TOP2B: variants seen among roughly 807,000 people sequenced by gnomAD.
TOP2B encodes DNA topoisomerase 2-beta.
TOP2B carries 51 observed loss-of-function variants against 193.5 expected under a neutral mutation model. The observed-to-expected ratio is 0.26, with a 90% CI of 0.21 to 0.33. TOP2B has a LOEUF of 0.33. Among genes scored for constraint, TOP2B ranks in the 10% least tolerant of loss-of-function variants. The pLI, the probability that TOP2B is intolerant of heterozygous loss-of-function variation, is 1.00. For synonymous variants in TOP2B, 634 were observed against 635.7 expected (o/e 1.00, Z 0.04); for missense variants, 1,378 against 1,909.3 (o/e 0.72, Z 5.19).
At position 25,607,226 on chromosome 3, in the gene TOP2B, C is replaced by G; in HGVS notation, c.4243G>C (p.Gly1415Arg). 1 of 1,610,636 alleles carries G rather than the reference C, an allele frequency of 6.2e-7. No individual in the cohort carries two copies. The highest frequency in any genetic ancestry group is 8.5e-7 in the Non-Finnish European group (1 of 1,178,068). The change falls in exon 31 of 36, where the codon GGG becomes CGG. Residue 1415 changes from glycine (G) to arginine (R), a missense_variant. By Grantham distance (125) the Gly-to-Arg change is moderately radical (BLOSUM62 -2). Coordinates refer to ENST00000264331, the MANE Select transcript of TOP2B (RefSeq NM_001330700.2). ...DGEDEFVPSD[G>R]LDKDEYTFSP... ...AATGTATATTCATCTTTATCTAACC[C>G]ATCTGAAGGAACAAATTCATCTTCC...
intron 28 of TOP2B, among the ~76,000 whole-genome samples, chr3:25,610,292 C>T (rs1214517574): frequency 6.6e-6 from 1 of 151,670 alleles, no homozygotes; most frequent in Non-Finnish European, 1.5e-5. Context: ...GGTAAAAAAA[C>T]AAAAACAAAA....
In TOP2B at chr3:25,629,014, AT is replaced by A. The variant is rs961760545; in HGVS notation, c.1800+20del. The A allele has an allele frequency of 2.5e-6, 4 of 1,571,278 alleles. No individual in the cohort carries two copies. The highest frequency in any genetic ancestry group is 1.4e-5 in the African/African-American group (1 of 72,920). The stretch of plus-strand genomic sequence containing the variant: ...TACCCTTTAAGACAACAATATAAAA[AT>A]ATATTAATGCAAAGAGTACCTTTAC... On this transcript the variant is annotated intron_variant, in intron 14 of 35. Coordinates refer to ENST00000264331, the MANE Select transcript of TOP2B (RefSeq NM_001330700.2).
Position 25,620,150 on chromosome 3 carries a change from C to G in TOP2B, c.2863-88G>C, listed in dbSNP as rs1393066684. ...GTCATACAGTCTTGAAAATTCTCAA[C>G]TCTCATGGGGAATTAAAAAGGAAAC... On this transcript the variant is annotated intron_variant, in intron 22 of 35. Transcript: ENST00000264331. 46 of 866,136 alleles carry G rather than the reference C, an allele frequency of 5.3e-5. 1 individual carries two copies. Among genetic ancestry groups the G allele is most frequent in the Non-Finnish European group, 7.9e-5 (45 of 570,208 alleles). 53.7% of individuals were successfully genotyped at this position (866,136 alleles called of 1,614,324 possible).
At chr3:25,607,027 A>T (rs1702252186) in intron 31 of TOP2B, 144 bp downstream of exon 31, 1 of 1,218,522 alleles carries the variant, frequency 8.2e-7, no homozygotes, top group Admixed American at 3.0e-5. Context: ...TGATGGGAAC[A>T]GCTGCAATAT....
rs887095195 is a variant in TOP2B, at chr3:25,607,058, T to C, written c.4298+113A>G. 26 of 1,402,840 alleles carry C rather than the reference T, an allele frequency of 1.9e-5. 1 individual carries two copies. In the South Asian group the frequency reaches 3.8e-4, roughly 20 times the overall value. 86.9% of individuals were successfully genotyped at this position (1,402,840 alleles called of 1,614,324 possible). Reference sequence around the variant, plus strand: ...AATATTAACAAGATTGATTCCTTCATGAAGAAGAACTTGCCTAGAATGATA... The same window carrying C: ...AATATTAACAAGATTGATTCCTTCACGAAGAAGAACTTGCCTAGAATGATA... On this transcript the variant is annotated intron_variant, in intron 31 of 35. Coordinates refer to ENST00000264331, the MANE Select transcript of TOP2B (RefSeq NM_001330700.2).
chr3:25,619,580 A>C (rs1189737799), intron 23 of TOP2B, among the ~76,000 whole-genome samples: 1 of 152,110 alleles, frequency 6.6e-6, no homozygotes, highest in Non-Finnish European at 1.5e-5. Context: ...AGGCCCTGCA[A>C]TAACCACTCT....
intron 21 of TOP2B, among the ~76,000 whole-genome samples, chr3:25,621,956 T>C (rs1702668547): frequency 6.6e-6 from 1 of 150,590 alleles, no homozygotes; most frequent in African/African-American, 2.4e-5. Flanking sequence ...ACCACTGTAC[T>C]CCAGCCTGGG....
intron 25 of TOP2B, among the ~76,000 whole-genome samples, chr3:25,617,029 G>T (rs1177660678): frequency 2.0e-5 from 3 of 151,872 alleles, no homozygotes; most frequent in Admixed American, 2.0e-4. Flanking sequence ...AGTTCCTTTT[G>T]TTACCTGAAC....
At chr3:25,664,181 G>GCGGGCCCGGAACAATGCAGCCGC in intron 1 of TOP2B, 48 bp downstream of exon 1, 1 of 1,461,502 alleles carries the variant, frequency 6.8e-7, no homozygotes, top group Non-Finnish European at 9.1e-7. Context: ...CGCCCCCGCC[G>GCGGGCCCGGAACAATGCAGCCGC]CGGGCCCGGA....
At chr3:25,657,208 T>C (rs1644105034) in intron 1 of TOP2B, among the ~76,000 whole-genome samples, 1 of 152,186 alleles carries the variant, frequency 6.6e-6, no homozygotes, top group Non-Finnish European at 1.5e-5. Flanking sequence ...TTTCAACTCC[T>C]GTTTGTCAGC....
rs1024988049 is a variant in TOP2B, at chr3:25,604,645, T to A, written c.4489+115A>T. 5 of 849,254 alleles carry A rather than the reference T, an allele frequency of 5.9e-6. No individual in the cohort carries two copies. The African/African-American group carries it at 8.7e-5, about 15-fold the overall frequency. The allele number at this position is 849,254 out of a possible 1,614,324, so 52.6% of individuals were successfully genotyped here. On this transcript the variant is annotated intron_variant, in intron 33 of 35. Coordinates refer to ENST00000264331, the MANE Select transcript of TOP2B (RefSeq NM_001330700.2). ...GAGAGGTTCTCCTTATAAGCACTTA[T>A]ACTTCTTAATTGTTTTATGATAAAA... is the stretch of plus-strand genomic sequence containing the variant.
chr3:25,643,639 G>C, intron 3 of TOP2B, 55 bp downstream of exon 3: 1 of 1,316,484 alleles, frequency 7.6e-7, no homozygotes, highest in South Asian at 1.2e-5. Context: ...ATATATAAAA[G>C]GACACTATGA....
At chr3:25,657,276 G>A (rs930460575) in intron 1 of TOP2B, among the ~76,000 whole-genome samples, 2 of 152,128 alleles carry the variant, frequency 1.3e-5, no homozygotes, top group African/African-American at 4.8e-5. Context: ...TGGGGTAAGG[G>A]GAGAGAGGGC....
At chr3:25,640,752 C>CTTTTTTTT (rs372465937) in intron 4 of TOP2B, among the ~76,000 whole-genome samples, 6 of 106,986 alleles carry the variant, frequency 5.6e-5, no homozygotes, top group Admixed American at 1.1e-4. Flanking sequence ...TCTTCGTTGT[C>CTTTTTTTT]TTTTTTTTTT....
At chr3:25,660,669 G>C (rs1045185653) in intron 1 of TOP2B, among the ~76,000 whole-genome samples, 1 of 152,170 alleles carries the variant, frequency 6.6e-6, no homozygotes, top group Non-Finnish European at 1.5e-5. Flanking sequence ...TCATTGGAAA[G>C]GGCACATAGT....
intron 5 of TOP2B, among the ~76,000 whole-genome samples, chr3:25,637,601 T>C (rs1703139677): frequency 6.6e-6 from 1 of 152,048 alleles, no homozygotes; most frequent in Non-Finnish European, 1.5e-5. Flanking sequence ...AGCAAATCTC[T>C]GTGAGTATGA....
At position 25,627,256 on chromosome 3, in the gene TOP2B, A is replaced by G. The variant is rs1424413468; in HGVS notation, c.1947T>C (p.Phe649=). 6.2e-7 allele frequency: 1 copy of G among 1,609,706 alleles called. No individual in the cohort carries two copies. Among genetic ancestry groups the G allele is most frequent in the East Asian group, 2.2e-5 (1 of 44,632 alleles). The change falls in exon 16 of 36, where the codon TTT becomes TTC. Residue 649 remains phenylalanine (F), a synonymous_variant. Coordinates refer to ENST00000264331, the MANE Select transcript of TOP2B (RefSeq NM_001330700.2). ...AGATGCGATGCCTTTCCATATCAGCAAAATATTCCTTTGCTTCTTTAGCTG... is the reference window on the plus strand; with the variant it reads ...AGATGCGATGCCTTTCCATATCAGCGAAATATTCCTTTGCTTCTTTAGCTG... ...TSTAKEAKEY[F]ADMERHRILF...
intron 25 of TOP2B, 158 bp from the exon 26 acceptor site, chr3:25,615,744 T>C: frequency 1.6e-6 from 1 of 623,266 alleles, no homozygotes; most frequent in East Asian, 3.4e-5. Context: ...AAAAATATAT[T>C]TCCTTATAAA....
At chr3:25,648,130 C>T (rs923669681) in intron 1 of TOP2B, among the ~76,000 whole-genome samples, 1 of 152,218 alleles carries the variant, frequency 6.6e-6, no homozygotes, top group East Asian at 1.9e-4. Flanking sequence ...CTAGAAACTT[C>T]TTGACTGAAT....
Sources: gnomAD v4.1 joint callset for allele counts (sites outside exome capture counted in the v4.1 genomes callset) on GRCh38, gnomAD v4.1.1 for gene constraint, MANE v1.5 for transcripts, NCBI Gene and HGNC (gene_info 2026-07-23, HGNC 2026-07-21) for gene names.